EED: variants seen among roughly 807,000 people sequenced by gnomAD.
EED encodes the protein embryonic ectoderm development.
A neutral mutation model predicts 61.0 loss-of-function variants in EED; 9 were observed. That is an observed-to-expected ratio of 0.15 (90% CI 0.09 to 0.26). The LOEUF (loss-of-function observed/expected upper bound fraction) is 0.26. Among genes scored for constraint, EED ranks in the 10% least tolerant of loss-of-function variants. The probability of loss-of-function intolerance (pLI) is 1.00; values close to 1 mark genes in which losing one functional copy is unlikely to be tolerated. For synonymous variants in EED, 187 were observed against 174.4 expected (o/e 1.07, Z -0.57); for missense variants, 315 against 542.3 (o/e 0.58, Z 4.16).
the EED span, among the ~76,000 whole-genome samples, chr11:86,286,701 G>A: frequency 6.6e-6 from 1 of 151,866 alleles, no homozygotes; most frequent in Middle Eastern, 3.2e-3. Flanking sequence ...GGCCAGGTGC[G>A]GTGGCTCAGG....
chr11:86,267,420 T>C (rs1454929647), intron 8 of EED, among the ~76,000 whole-genome samples: 1 of 152,216 alleles, frequency 6.6e-6, no homozygotes, highest in African/African-American at 2.4e-5. Flanking sequence ...ATTATACTTA[T>C]ACAGCTATTT....
downstream of EED, among the ~76,000 whole-genome samples, chr11:86,282,938 G>A (rs780100962): frequency 6.6e-6 from 1 of 151,848 alleles, no homozygotes; most frequent in Non-Finnish European, 1.5e-5. Flanking sequence ...AAGACCAGCC[G>A]GGGCAACATA....
At chr11:86,261,945 A>G (rs991921895) in intron 6 of EED, among the ~76,000 whole-genome samples, 1 of 152,010 alleles carries the variant, frequency 6.6e-6, no homozygotes, top group Non-Finnish European at 1.5e-5. Flanking sequence ...TCATTATCCC[A>G]TTGTCTTGGT....
At chr11:86,258,905 C>T (rs1159566119) in intron 6 of EED, among the ~76,000 whole-genome samples, 1 of 147,862 alleles carries the variant, frequency 6.8e-6, no homozygotes, top group African/African-American at 2.5e-5. Context: ...CTTGCTTTGG[C>T]GCCCAGGCTG....
At chr11:86,274,262 A>G (rs1946181029) in intron 9 of EED, among the ~76,000 whole-genome samples, 1 of 152,102 alleles carries the variant, frequency 6.6e-6, no homozygotes, top group Admixed American at 6.5e-5. Context: ...CATTCTAAGT[A>G]TGTTTGCATT....
At position 86,246,511 on chromosome 11, in the gene EED, G is replaced by A. The variant is rs369101987; in HGVS notation, c.114+1168G>A. On this transcript the variant is annotated intron_variant, in intron 1 of 11. Coordinates refer to ENST00000263360, the MANE Select transcript of EED (RefSeq NM_003797.5). ...TCATGACTAAGATTTTCACGGAAAA[G>A]ATGGGAAAGGATTCTTTTTGCAGAG... Among the ~76,000 whole-genome samples, 332 of 152,266 alleles carry A rather than the reference G, an allele frequency of 2.2e-3. 2 individuals are homozygous for A. The highest frequency in any genetic ancestry group is 7.6e-3 in the African/African-American group (316 of 41,544).
rs1487935190 is a variant in EED, at chr11:86,245,077, C to T, written c.-153C>T. The T allele has an allele frequency of 6.9e-6, 4 of 581,556 alleles. No homozygotes were observed. The African/African-American group carries it at 8.1e-5, about 12-fold the overall frequency. 36.0% of individuals were successfully genotyped at this position (581,556 alleles called of 1,614,324 possible). A position where few individuals can be genotyped will look rare whatever the true frequency, so the allele number is the denominator to read the frequency against. On this transcript the variant is annotated 5_prime_UTR_variant, in exon 1 of 12. Coordinates refer to ENST00000263360, the MANE Select transcript of EED (RefSeq NM_003797.5). ...GGCGGGGTCGCACGCACGCCCGCCT[C>T]GGCGGCTGGGCGCGATTTGCGACAG...
chr11:86,282,344 T>C (rs1036908394), downstream of EED, among the ~76,000 whole-genome samples: 1 of 152,232 alleles, frequency 6.6e-6, no homozygotes, highest in African/African-American at 2.4e-5. Flanking sequence ...GAATTGTGAT[T>C]GTCTGAATAT....
intron 9 of EED, chr11:86,276,548 G>A (rs78682396): frequency 0.031 from 4,753 of 152,800 alleles, 241 homozygotes; most frequent in African/African-American, 0.11. Context: ...CGAAATGGGA[G>A]ACTGCATGGG....
chr11:86,256,772 T>C (rs1945686682), intron 5 of EED, among the ~76,000 whole-genome samples: 1 of 152,236 alleles, frequency 6.6e-6, no homozygotes, highest in African/African-American at 2.4e-5. Context: ...TGTCATGGTT[T>C]ACTTTGAGAG....
chr11:86,261,573 C>T (rs1333439141), intron 6 of EED, among the ~76,000 whole-genome samples: 2 of 152,234 alleles, frequency 1.3e-5, no homozygotes, highest in East Asian at 3.8e-4. Flanking sequence ...GTAGTAGGAA[C>T]TGCTGTGTGG....
At chr11:86,272,691 A>G (rs1035805694) in intron 9 of EED, among the ~76,000 whole-genome samples, 1 of 152,064 alleles carries the variant, frequency 6.6e-6, no homozygotes, top group Non-Finnish European at 1.5e-5. Flanking sequence ...TAGTATTGCT[A>G]TGTCTTTGGA....
intron 8 of EED, chr11:86,268,236 G>T: frequency 2.5e-6 from 1 of 403,902 alleles, no homozygotes; most frequent in Non-Finnish European, 4.4e-6. Context: ...TCTATCATAG[G>T]ACAAAGATAA....
intron 6 of EED, among the ~76,000 whole-genome samples, chr11:86,261,555 G>C (rs1166408344): frequency 6.6e-6 from 1 of 152,244 alleles, no homozygotes; most frequent in Non-Finnish European, 1.5e-5. Context: ...GCTCCACCAG[G>C]TGTTGCTGTA....
chr11:86,247,077 G>C lies in EED; in HGVS notation c.114+1734G>C, dbSNP rs183407650. Among the ~76,000 whole-genome samples, 818 of 152,286 alleles carry C rather than the reference G, an allele frequency of 5.4e-3. 2 individuals are homozygous for C. The highest frequency in any genetic ancestry group is 8.1e-3 in the Non-Finnish European group (552 of 68,012). On this transcript the variant is annotated intron_variant, in intron 1 of 11. Transcript: ENST00000263360. Reference sequence around the variant, plus strand: ...TAATCAGGCAAAATATAATGAAACTGTCAGACCTGTTTAGAATGAAGAAAC... The same window carrying C: ...TAATCAGGCAAAATATAATGAAACTCTCAGACCTGTTTAGAATGAAGAAAC...
chr11:86,252,512 T>TA (rs544352279), intron 3 of EED, among the ~76,000 whole-genome samples: 1 of 490 alleles, frequency 2.0e-3, no homozygotes, highest in Non-Finnish European at 4.3e-3. Context: ...AGAATTGGCG[T>TA]CCTTTTTTTT....
chr11:86,283,638 A>G (rs963638623), downstream of EED, among the ~76,000 whole-genome samples: 1 of 152,254 alleles, frequency 6.6e-6, no homozygotes, highest in African/African-American at 2.4e-5. Flanking sequence ...GGAAACAAAT[A>G]GAACTTTTAC....
rs147440081 is a variant in EED at position 86,256,492 on chromosome 11, A to G, written c.532A>G (p.Ile178Val). 1,075 of 1,610,186 alleles carry G rather than the reference A, an allele frequency of 6.7e-4. No homozygotes were observed. The highest frequency in any genetic ancestry group is 8.6e-4 in the Non-Finnish European group (1,018 of 1,177,696). The change falls in exon 5 of 12, where the codon ATA becomes GTA. Residue 178 changes from isoleucine (I) to valine (V), a missense_variant. Coordinates refer to ENST00000263360, the MANE Select transcript of EED (RefSeq NM_003797.5). ...SRGIIRIINPITMQCIKHYVG... is the reference protein window; with the variant it reads ...SRGIIRIINPVTMQCIKHYVG... Reference sequence around the variant, plus strand: ...AGGCATAATTAGGATAATAAATCCTATAACAATGCAGTGTATAAAGGTGGG... The same window carrying G: ...AGGCATAATTAGGATAATAAATCCTGTAACAATGCAGTGTATAAAGGTGGG...
chr11:86,286,958 C>G, the EED span, among the ~76,000 whole-genome samples: 1 of 111,754 alleles, frequency 8.9e-6, no homozygotes, highest in Non-Finnish European at 1.7e-5. Context: ...GGCGAAAGAG[C>G]GAGACTCCGT....
Sources: gnomAD v4.1 joint callset for allele counts (sites outside exome capture counted in the v4.1 genomes callset) on GRCh38, gnomAD v4.1.1 for gene constraint, MANE v1.5 for transcripts, NCBI Gene and HGNC (gene_info 2026-07-23, HGNC 2026-07-21) for gene names.